PAPPA2: variants seen among roughly 807,000 people sequenced by gnomAD.
PAPPA2 encodes pappalysin 2.
A neutral mutation model predicts 176.4 loss-of-function variants in PAPPA2; 86 were observed. The ratio of observed to expected loss-of-function variants is 0.49; its 90% CI spans 0.41 to 0.58. The LOEUF is 0.58. PAPPA2 is among the 20% of genes least tolerant of loss of function. PAPPA2 has a pLI of 0.00. For missense variants in PAPPA2, 2,073 were observed against 2,256.9 expected (o/e 0.92, Z 1.65); for synonymous variants, 809 against 852.2 (o/e 0.95, Z 0.88).
intron 12 of PAPPA2, among the ~76,000 whole-genome samples, chr1:176,738,830 GT>G (rs531236988): frequency 1.1e-4 from 16 of 151,740 alleles, no homozygotes; most frequent in East Asian, 9.7e-4. Context: ...TCTCTAAGAT[GT>G]TTTTTTTCTT....
chr1:176,794,011 G>A (rs1029886533), intron 20 of PAPPA2, among the ~76,000 whole-genome samples: 1 of 151,980 alleles, frequency 6.6e-6, no homozygotes, highest in South Asian at 2.1e-4. Flanking sequence ...GGAGAATGGC[G>A]TGAACTCCAG....
In PAPPA2 at chr1:176,692,310, A is replaced by G; in HGVS notation, c.2616A>G (p.Val872=). ...GGCTGCCTCCTATTAGTGGAGTTGT[A>G]TATGACAGGTGAGAGAGGCACTGGC... The part of the protein sequence containing the change: ...IHWLPPISGV[V]YDRASGSLCG... Residue 872 remains valine (V), a synonymous_variant, in exon 6 of 23, where the codon GTA becomes GTG. Coordinates refer to ENST00000367662, the MANE Select transcript of PAPPA2 (RefSeq NM_020318.3). 5 of 1,610,674 alleles carry G rather than the reference A, an allele frequency of 3.1e-6. No homozygotes were observed. Among genetic ancestry groups the G allele is most frequent in the Non-Finnish European group, 4.2e-6 (5 of 1,177,366 alleles).
Position 176,692,270 on chromosome 1 carries a change from C to T in PAPPA2, c.2576C>T (p.Ser859Phe). Residue 859 changes from serine to phenylalanine, a missense_variant, in exon 6 of 23, where the codon TCC (serine) becomes TTC (phenylalanine). Ser to Phe is a radical substitution (Grantham distance 155, BLOSUM62 -2). This residue lies in a region of PAPPA2 where 1,196 missense variants were observed against 1,330.4 expected (regional missense o/e 0.90). Transcript: ENST00000367662. ...ATGGTCATCGGACAGACCAACAAGT[C>T]CCTCACTATCCACTGGCTGCCTCCT... ...PPMVIGQTNK[S>F]LTIHWLPPIS... The T allele has an allele frequency of 3.1e-6, 5 of 1,614,010 alleles. No homozygotes were observed. Among genetic ancestry groups the T allele is most frequent in the Non-Finnish European group, 4.2e-6 (5 of 1,179,900 alleles).
rs763247787 is a variant in PAPPA2, at chr1:176,595,057, G to A, written c.1453G>A (p.Glu485Lys). 6.2e-7 allele frequency: 1 copy of A among 1,614,018 alleles called. No homozygotes were observed. Among genetic ancestry groups the A allele is most frequent in the Non-Finnish European group, 8.5e-7 (1 of 1,180,044 alleles). Residue 485 changes from glutamate (E) to lysine (K), a missense_variant, in exon 3 of 23, where the codon GAG (glutamate) becomes AAG (lysine). Coordinates refer to ENST00000367662, the MANE Select transcript of PAPPA2 (RefSeq NM_020318.3). The part of the protein sequence containing the change: ...YPRLEVLQGF[E>K]PEPEILSPLQ... ...ACGACTTGAGGTTCTCCAGGGCTTTGAGCCAGAGCCTGAGATTCTGTCGCC... is the reference window on the plus strand; with the variant it reads ...ACGACTTGAGGTTCTCCAGGGCTTTAAGCCAGAGCCTGAGATTCTGTCGCC...
intron 3 of PAPPA2, among the ~76,000 whole-genome samples, chr1:176,659,570 G>A (rs1384661640): frequency 2.0e-5 from 3 of 151,818 alleles, no homozygotes; most frequent in Non-Finnish European, 2.9e-5. Flanking sequence ...ATCTTATGGG[G>A]GACACATTTA....
At chr1:176,618,436 C>A (rs1196551864) in intron 3 of PAPPA2, among the ~76,000 whole-genome samples, 1 of 152,198 alleles carries the variant, frequency 6.6e-6, no homozygotes. Context: ...TTCAGTCAAC[C>A]ACTCAAATGA....
chr1:176,821,288 T>C lies in PAPPA2; in HGVS notation c.5203-18885T>C, dbSNP rs1215200874. Among the ~76,000 whole-genome samples, 5 of 152,150 alleles carry C rather than the reference T, an allele frequency of 3.3e-5. No homozygotes were observed. The East Asian group carries it at 9.6e-4, about 29-fold the overall frequency. On this transcript the variant is annotated intron_variant, in intron 21 of 22. Transcript: ENST00000367662. Reference sequence around the variant, plus strand: ...TAATACAATCATATGAATAAGGGCATATGGGAGCACAGGGAATAAAGCAAA... The same window carrying C: ...TAATACAATCATATGAATAAGGGCACATGGGAGCACAGGGAATAAAGCAAA...
intron 17 of PAPPA2, among the ~76,000 whole-genome samples, chr1:176,774,753 G>T (rs1664380047): frequency 6.8e-6 from 1 of 146,524 alleles, no homozygotes; most frequent in Non-Finnish European, 1.5e-5. Flanking sequence ...CAGCCTACCT[G>T]CCACTCTATT....
At chr1:176,583,794 C>T (rs776963854) in intron 2 of PAPPA2, among the ~76,000 whole-genome samples, 23 of 152,110 alleles carry the variant, frequency 1.5e-4, no homozygotes, top group Non-Finnish European at 2.8e-4. Flanking sequence ...ATGGCTCACA[C>T]CTATAATCCT....
At position 176,699,228 on chromosome 1, in the gene PAPPA2, C is replaced by A. The variant is rs754819896; in HGVS notation, c.2875C>A (p.His959Asn). 1 of 1,614,188 alleles carries A rather than the reference C, an allele frequency of 6.2e-7. No homozygotes were observed. The highest frequency in any genetic ancestry group is 8.5e-7 in the Non-Finnish European group (1 of 1,180,028). ...EGCSLELLFQ[H>N]PVQADTLTLW... ...CTGTAGCTTGGAGCTGCTCTTCCAA[C>A]ACCCGGTCCAAGCCGACACCCTCAC... The change falls in exon 8 of 23, where the codon CAC (histidine) becomes AAC (asparagine). Residue 959 changes from histidine to asparagine, a missense_variant. This residue lies in a region of PAPPA2 where 1,196 missense variants were observed against 1,330.4 expected (regional missense o/e 0.90). Coordinates refer to ENST00000367662, the MANE Select transcript of PAPPA2 (RefSeq NM_020318.3).
chr1:176,680,378 A>G (rs1371681202), intron 4 of PAPPA2, among the ~76,000 whole-genome samples: 1 of 152,166 alleles, frequency 6.6e-6, no homozygotes, highest in Non-Finnish European at 1.5e-5. Context: ...TACTATTGTA[A>G]CATATACATA....
chr1:176,702,556 G>T, intron 8 of PAPPA2, 51 bp from the exon 9 acceptor site: 1 of 1,604,166 alleles, frequency 6.2e-7, no homozygotes, highest in Non-Finnish European at 8.5e-7. Flanking sequence ...AGGACCCAGG[G>T]CATGCCTCAC....
chr1:176,787,398 C>T (rs112958670), intron 17 of PAPPA2, among the ~76,000 whole-genome samples: 2 of 151,960 alleles, frequency 1.3e-5, no homozygotes, highest in Non-Finnish European at 2.9e-5. Context: ...CTGTGCCTGG[C>T]TAATTTTTGC....
intron 1 of PAPPA2, among the ~76,000 whole-genome samples, chr1:176,533,776 G>A (rs1649931812): frequency 1.3e-5 from 2 of 152,190 alleles, no homozygotes; most frequent in African/African-American, 4.8e-5. Flanking sequence ...TTAACAAGCT[G>A]TCAGGTGATG....
intron 21 of PAPPA2, among the ~76,000 whole-genome samples, chr1:176,821,809 C>T (rs1219208710): frequency 6.6e-6 from 1 of 152,284 alleles, no homozygotes; most frequent in Middle Eastern, 3.4e-3. Flanking sequence ...TGACAGTGGA[C>T]TCATGGCAAA....
chr1:176,691,034 C>T (rs1223862893), intron 5 of PAPPA2: 2 of 985,290 alleles, frequency 2.0e-6, no homozygotes, highest in Middle Eastern at 5.2e-4. Flanking sequence ...ATGGCATCTT[C>T]CTGGCCCTCG....
chr1:176,692,391 A>G (rs1035276881), intron 6 of PAPPA2, 73 bp downstream of exon 6: 16 of 1,427,332 alleles, frequency 1.1e-5, no homozygotes, highest in Admixed American at 7.5e-5. Flanking sequence ...GGGGAAGAAT[A>G]TGAATCCAGG....
At chr1:176,603,798 C>T (rs959355097) in intron 3 of PAPPA2, among the ~76,000 whole-genome samples, 7 of 152,180 alleles carry the variant, frequency 4.6e-5, no homozygotes, top group Non-Finnish European at 8.8e-5. Flanking sequence ...TAACTGGTCT[C>T]CCACTTTTGC....
At chr1:176,827,351 A>T (rs1666898211) in intron 21 of PAPPA2, among the ~76,000 whole-genome samples, 2 of 152,252 alleles carry the variant, frequency 1.3e-5, no homozygotes, top group Admixed American at 1.3e-4. Context: ...ATTTTGAGTT[A>T]GTTCCAAACT....
Sources: allele counts gnomAD v4.1 joint callset (sites outside exome capture counted in the v4.1 genomes callset), GRCh38; gene constraint gnomAD v4.1.1; regional missense constraint gnomAD v4.1.1; transcripts MANE v1.5; gene names NCBI Gene and HGNC (gene_info 2026-07-23, HGNC 2026-07-21).